Variants in HMGB1 observed in about 807,000 individuals in gnomAD.
The protein encoded by HMGB1 is high mobility group protein B1.
For synonymous variants in HMGB1, 81 were observed against 84.0 expected, an observed-to-expected ratio of 0.96 and a Z score of 0.19; for missense variants, 79 against 253.5, an observed-to-expected ratio of 0.31 and a Z score of 4.67.
chr13:30,474,383 T>C (rs187542110), intron 1 of HMGB1, among the ~76,000 whole-genome samples: 1 of 152,318 alleles, frequency 6.6e-6, no homozygotes, highest in Admixed American at 6.5e-5. Flanking sequence ...TCATCTATTA[T>C]TGGAGTTACA....
At chr13:30,524,299 G>A (rs902943661) in intron 1 of HMGB1, among the ~76,000 whole-genome samples, 3 of 144,134 alleles carry the variant, frequency 2.1e-5, no homozygotes, top group African/African-American at 5.2e-5. Flanking sequence ...AATAAAACCT[G>A]CACGTTCTGC....
rs549499620 is a variant in HMGB1 at position 30,474,759 on chromosome 13, C to CTTTTTT, written c.-14-11071_-14-11066dup. Among the ~76,000 whole-genome samples the CTTTTTT allele has an allele frequency of 8.1e-4, 75 of 92,840 alleles. 1 individual carries two copies. The highest frequency in any genetic ancestry group is 2.4e-3 in the South Asian group (5 of 2,112). 60.9% of individuals were successfully genotyped at this position (92,840 alleles called of 152,430 possible). A position where few individuals can be genotyped will look rare whatever the true frequency, so the allele number is the denominator to read the frequency against. On this transcript the variant is annotated intron_variant, in intron 1 of 4. Transcript: ENST00000405805. Reference sequence around the variant, plus strand: ...GACAGAGCGAGATGGTCTCTCTCTCCTTTTTTTTTTTTTTTTTTTTTGAGA... The same window carrying CTTTTTT: ...GACAGAGCGAGATGGTCTCTCTCTCCTTTTTTTTTTTTTTTTTTTTTTTTTTTGAGA...
At chr13:30,587,940 G>A (rs1366959094) in intron 1 of HMGB1, among the ~76,000 whole-genome samples, 1 of 152,214 alleles carries the variant, frequency 6.6e-6, no homozygotes, top group African/African-American at 2.4e-5. Context: ...AAAAGCAAGT[G>A]TGAGAATGGA....
Position 30,588,970 on chromosome 13 carries a change from T to C in HMGB1, c.-15+27701A>G, listed in dbSNP as rs146399510. Among the ~76,000 whole-genome samples, 26 of 151,736 alleles carry C rather than the reference T, an allele frequency of 1.7e-4. No individual in the cohort carries two copies. The East Asian group carries it at 2.5e-3, about 15-fold the overall frequency. ...TACTATTGTTTTCTGATGATATATATGGCCTCTAATTGTAAAGCTGAATGC... is the reference window on the plus strand; with the variant it reads ...TACTATTGTTTTCTGATGATATATACGGCCTCTAATTGTAAAGCTGAATGC... On this transcript the variant is annotated intron_variant, in intron 1 of 4. Coordinates refer to the HMGB1 transcript ENST00000405805.
chr13:30,507,454 G>A (rs964332084), intron 1 of HMGB1, among the ~76,000 whole-genome samples: 2 of 152,194 alleles, frequency 1.3e-5, no homozygotes, highest in East Asian at 1.9e-4. Context: ...TGGCACAAAT[G>A]TTTGATGAAT....
intron 1 of HMGB1, among the ~76,000 whole-genome samples, chr13:30,478,261 C>T (rs1056500156): frequency 8.5e-5 from 13 of 152,092 alleles, no homozygotes; most frequent in South Asian, 2.1e-4. Flanking sequence ...CACTTGGGCC[C>T]GGGAGTTCAA....
intron 1 of HMGB1, chr13:30,553,627 C>A (rs376859819): frequency 4.7e-6 from 3 of 637,618 alleles, no homozygotes; most frequent in Non-Finnish European, 2.8e-6. Flanking sequence ...TAGGAGCCAA[C>A]CTCACTCTTC....
intron 1 of HMGB1, among the ~76,000 whole-genome samples, chr13:30,521,987 G>C (rs966724055): frequency 1.3e-5 from 2 of 152,062 alleles, no homozygotes; most frequent in Non-Finnish European, 2.9e-5. Flanking sequence ...TTTCTCATTT[G>C]ATCCTTGCAA....
At chr13:30,531,550 GTGTGTGT>G (rs1389484845) in intron 1 of HMGB1, among the ~76,000 whole-genome samples, 3 of 149,118 alleles carry the variant, frequency 2.0e-5, no homozygotes, top group Non-Finnish European at 3.0e-5. Flanking sequence ...GTGTGTGTGT[GTGTGTGT>G]TTTCAGCGAA....
intron 1 of HMGB1, among the ~76,000 whole-genome samples, chr13:30,483,563 G>A (rs1358577934): frequency 6.6e-6 from 1 of 151,218 alleles, no homozygotes; most frequent in Admixed American, 6.6e-5. Context: ...ATGTTCCTCT[G>A]CTTAAATAAT....
At chr13:30,488,649 TTATTATTA>T (rs1887416693) in intron 1 of HMGB1, among the ~76,000 whole-genome samples, 4 of 1,918 alleles carry the variant, frequency 2.1e-3, no homozygotes, top group South Asian at 0.05. Context: ...TTTAATTTTA[TTATTATTA>T]TTATTATTAT....
At chr13:30,573,958 C>G (rs540234572) in intron 1 of HMGB1, among the ~76,000 whole-genome samples, 52 of 152,220 alleles carry the variant, frequency 3.4e-4, no homozygotes, top group Admixed American at 2.9e-3. Flanking sequence ...CCGGCCTAAT[C>G]TAGCATTTTC....
At chr13:30,607,952 AT>A (rs1437377771) in intron 1 of HMGB1, among the ~76,000 whole-genome samples, 1 of 152,204 alleles carries the variant, frequency 6.6e-6, no homozygotes, top group Non-Finnish European at 1.5e-5. Flanking sequence ...GGCCCCCAAG[AT>A]GGCCTCCAAT....
rs1566018767 is a variant in HMGB1 at position 30,538,498 on chromosome 13, C to CTTTCTTTCTTTCTTTA, written c.-14-74805_-14-74804insTAAAGAAAGAAAGAAA. On this transcript the variant is annotated intron_variant, in intron 1 of 4. Coordinates refer to the HMGB1 transcript ENST00000405805. ...TCTTTCTTTCTTTCTTTCTTTCTTT[C>CTTTCTTTCTTTCTTTA]TTTCTTTCTTTCCTTTCTTTCTTTC... 3.7e-3 allele frequency among the ~76,000 whole-genome samples: 59 copies of CTTTCTTTCTTTCTTTA among 15,840 alleles called. 4 individuals are homozygous for CTTTCTTTCTTTCTTTA. The highest frequency in any genetic ancestry group is 5.8e-3 in the African/African-American group (56 of 9,664). The allele number at this position is 15,840 out of a possible 152,430, so 10.4% of individuals were successfully genotyped here.
chr13:30,519,979 A>G (rs1888200963), intron 1 of HMGB1, among the ~76,000 whole-genome samples: 1 of 152,222 alleles, frequency 6.6e-6, no homozygotes, highest in South Asian at 2.1e-4. Flanking sequence ...TCTTTTGCAT[A>G]CATAAAAAGG....
chr13:30,518,671 G>A (rs75910846), intron 1 of HMGB1, among the ~76,000 whole-genome samples: 9,885 of 151,816 alleles, frequency 0.065, 420 homozygotes, highest in East Asian at 0.19. Context: ...CAGAGTAAGG[G>A]AGCAATAGAT....
intron 1 of HMGB1, among the ~76,000 whole-genome samples, chr13:30,538,954 C>T (rs549300366): frequency 5.3e-5 from 8 of 151,852 alleles, no homozygotes; most frequent in Non-Finnish European, 1.2e-4. Flanking sequence ...TGGAGTGCAA[C>T]GGCACGATCT....
intron 1 of HMGB1, among the ~76,000 whole-genome samples, chr13:30,539,314 C>T (rs1324116787): frequency 6.6e-6 from 1 of 152,180 alleles, no homozygotes; most frequent in African/African-American, 2.4e-5. Context: ...ATTCACCCAG[C>T]CACTTATTCT....
chr13:30,476,865 C>CAAAAAA (rs35075993), intron 1 of HMGB1, among the ~76,000 whole-genome samples: 1 of 135,562 alleles, frequency 7.4e-6, no homozygotes, highest in Non-Finnish European at 1.6e-5. Context: ...GATTCTGTCT[C>CAAAAAA]AAAAAAAAAA....
Sources: gnomAD v4.1 joint callset for allele counts (sites outside exome capture counted in the v4.1 genomes callset) on GRCh38, gnomAD v4.1.1 for gene constraint, MANE v1.5 for transcripts, NCBI Gene and HGNC (gene_info 2026-07-23, HGNC 2026-07-21) for gene names.